The following NAALADL2 variants were observed in gnomAD, a reference collection of about 807,000 sequenced individuals.
NAALADL2 encodes the protein N-acetylated alpha-linked acidic dipeptidase like 2, also known as inactive N-acetylated-alpha-linked acidic dipeptidase-like protein 2.
NAALADL2 carries 76 observed loss-of-function variants against 87.2 expected under a neutral mutation model. The ratio of observed to expected loss-of-function variants is 0.87; its 90% CI spans 0.72 to 1.05. The LOEUF (loss-of-function observed/expected upper bound fraction) is 1.05. Ranked by LOEUF, NAALADL2 falls within the 50% of genes least tolerant of loss-of-function variation. The pLI is 0.00. For missense variants in NAALADL2, 1,089 were observed against 945.8 expected (o/e 1.15, Z -1.99); for synonymous variants, 354 against 331.0 (o/e 1.07, Z -0.75).
intron 9 of NAALADL2, among the ~76,000 whole-genome samples, chr3:175,485,353 A>G (rs116573884): frequency 1.8e-3 from 274 of 152,238 alleles, no homozygotes; most frequent in African/African-American, 6.4e-3. Flanking sequence ...TAGGATATAC[A>G]TATATAGGAA....
intron 1 of NAALADL2, among the ~76,000 whole-genome samples, chr3:174,985,059 CCAATGGTTCAG>C (rs1462062177): frequency 6.6e-6 from 1 of 152,184 alleles, no homozygotes; most frequent in Non-Finnish European, 1.5e-5. Context: ...TCACCTAACA[CCAATGGTTCAG>C]ATCATACTTC....
intron 13 of NAALADL2, among the ~76,000 whole-genome samples, chr3:175,783,134 T>C (rs1428559900): frequency 6.6e-6 from 1 of 152,090 alleles, no homozygotes; most frequent in Non-Finnish European, 1.5e-5. Flanking sequence ...TGAAGTCAGG[T>C]AGTGTGATGC....
intron 10 of NAALADL2, among the ~76,000 whole-genome samples, chr3:175,618,647 C>A (rs1725700044): frequency 6.6e-6 from 1 of 152,108 alleles, no homozygotes; most frequent in Non-Finnish European, 1.5e-5. Flanking sequence ...CGCCTTCCTC[C>A]TTTTGGAGTG....
At chr3:175,542,960 C>T (rs968751648) in intron 9 of NAALADL2, among the ~76,000 whole-genome samples, 1 of 152,120 alleles carries the variant, frequency 6.6e-6, no homozygotes, top group Non-Finnish European at 1.5e-5. Context: ...TAGCCCCTTA[C>T]TCTCATTAGG....
intron 5 of NAALADL2, among the ~76,000 whole-genome samples, chr3:175,368,033 A>C (rs1244810591): frequency 1.3e-5 from 2 of 152,148 alleles, no homozygotes; most frequent in Non-Finnish European, 2.9e-5. Context: ...ACATCCCATC[A>C]ATACCTAATT....
At chr3:174,914,311 C>T (rs968216446) in intron 1 of NAALADL2, among the ~76,000 whole-genome samples, 1 of 152,114 alleles carries the variant, frequency 6.6e-6, no homozygotes, top group Non-Finnish European at 1.5e-5. Context: ...GATCCACCCA[C>T]CTCTGCCTCC....
At chr3:175,002,324 A>T (rs933338251) in intron 1 of NAALADL2, among the ~76,000 whole-genome samples, 10 of 152,202 alleles carry the variant, frequency 6.6e-5, no homozygotes, top group Admixed American at 3.9e-4. Flanking sequence ...GAAACATCTT[A>T]TAGAAGATTA....
At chr3:175,629,720 A>G (rs1727496702) in intron 11 of NAALADL2, among the ~76,000 whole-genome samples, 1 of 151,760 alleles carries the variant, frequency 6.6e-6, no homozygotes, top group Non-Finnish European at 1.5e-5. Context: ...GCCACACTTA[A>G]GAATTTCAAC....
At chr3:175,465,471 A>ATTTTTTTTTTTTTTTT (rs1560595976) in intron 7 of NAALADL2, among the ~76,000 whole-genome samples, 2 of 129,034 alleles carry the variant, frequency 1.5e-5, no homozygotes, top group African/African-American at 6.7e-5. Context: ...CATGAATTAA[A>ATTTTTTTTTTTTTTTT]TCTTTTTTTT....
intron 2 of NAALADL2, among the ~76,000 whole-genome samples, chr3:174,614,653 G>T (rs1720268643): frequency 6.6e-6 from 1 of 152,094 alleles, no homozygotes; most frequent in Non-Finnish European, 1.5e-5. Context: ...TTTAAAACCA[G>T]GTACTTTGAG....
At chr3:175,485,503 T>A (rs920535562) in intron 9 of NAALADL2, among the ~76,000 whole-genome samples, 2 of 152,150 alleles carry the variant, frequency 1.3e-5, no homozygotes, top group African/African-American at 2.4e-5. Flanking sequence ...GAGCTAACCA[T>A]GCAGCCTTCA....
intron 1 of NAALADL2, among the ~76,000 whole-genome samples, chr3:175,090,335 C>G (rs1183123587): frequency 6.6e-6 from 1 of 151,878 alleles, no homozygotes; most frequent in South Asian, 2.1e-4. Flanking sequence ...CTAATCAGCT[C>G]TTCTGCTTGC....
intron 1 of NAALADL2, among the ~76,000 whole-genome samples, chr3:174,454,726 T>A (rs915872587): frequency 6.6e-6 from 1 of 152,052 alleles, no homozygotes; most frequent in African/African-American, 2.4e-5. Context: ...TGGGACACAG[T>A]TAAAGCAATG....
chr3:175,324,175 C>G lies in NAALADL2; in HGVS notation c.940C>G (p.Leu314Val), dbSNP rs1356923868. The G allele has an allele frequency of 1.9e-6, 3 of 1,612,232 alleles. No individual in the cohort carries two copies. The highest frequency in any genetic ancestry group is 2.5e-6 in the Non-Finnish European group (3 of 1,179,138). The change falls in exon 5 of 14, where the codon CTT (leucine) becomes GTT (valine). Residue 314 changes from leucine to valine, a missense_variant and splice_region_variant. Leu to Val is a conservative substitution (Grantham distance 32). Transcript: ENST00000454872. ...KLGKLPLLYK[L>V]SSLEKAGFGG... ...TTAATAGCTTGCTTCCCTCTTTTAG[C>G]TTTCCTCATTGGAAAAGGCTGGATT...
chr3:175,134,705 T>C (rs79562073), intron 2 of NAALADL2, among the ~76,000 whole-genome samples: 12,111 of 152,170 alleles, frequency 0.08, 658 homozygotes, highest in Non-Finnish European at 0.12. Flanking sequence ...GGAGATAAAG[T>C]ATGATGATAC....
chr3:175,104,575 G>A (rs901968871), intron 2 of NAALADL2, among the ~76,000 whole-genome samples: 2 of 151,862 alleles, frequency 1.3e-5, no homozygotes, highest in African/African-American at 2.4e-5. Flanking sequence ...TATTCTTCAT[G>A]TTTTTTGTCC....
chr3:175,423,207 A>T lies in NAALADL2; in HGVS notation c.1091-24022A>T, dbSNP rs9838634. ...TCTTTTTTTGCACAAAGAAGAATTT[A>T]TTTTTCTTTTTTTTTTCTTTTTTTT... On this transcript the variant is annotated intron_variant, in intron 5 of 13. Transcript: ENST00000454872. Among the ~76,000 whole-genome samples, 81 of 138,382 alleles carry T rather than the reference A, an allele frequency of 5.9e-4. 1 individual carries two copies. The East Asian group carries it at 9.2e-3, about 16-fold the overall frequency. The allele number at this position is 138,382 out of a possible 152,430, so 90.8% of individuals were successfully genotyped here.
chr3:175,674,247 GTT>G (rs201365082), intron 11 of NAALADL2, among the ~76,000 whole-genome samples: 2 of 139,940 alleles, frequency 1.4e-5, no homozygotes, highest in Admixed American at 7.1e-5. Context: ...AACTGATAGT[GTT>G]TTTTTTTTTT....
intron 11 of NAALADL2, among the ~76,000 whole-genome samples, chr3:175,635,356 TTAAG>T (rs1383218034): frequency 6.6e-6 from 1 of 152,108 alleles, no homozygotes; most frequent in Non-Finnish European, 1.5e-5. Flanking sequence ...CTACCATATA[TTAAG>T]TGTTATTAAC....
Sources: gnomAD v4.1 joint callset for allele counts (sites outside exome capture counted in the v4.1 genomes callset) on GRCh38, gnomAD v4.1.1 for gene constraint, MANE v1.5 for transcripts, NCBI Gene and HGNC (gene_info 2026-07-23, HGNC 2026-07-21) for gene names.